TBC1D15: variants seen among roughly 807,000 people sequenced by gnomAD.
TBC1D15 encodes the protein GAP for RAB7.
In TBC1D15, 39 loss-of-function variants were observed where a neutral mutation model predicts 95.4. The ratio of observed to expected loss-of-function variants is 0.41; its 90% CI spans 0.32 to 0.53. The LOEUF (loss-of-function observed/expected upper bound fraction) is 0.53, where lower values mean the gene tolerates loss of function less well. TBC1D15 is among the 20% of genes least tolerant of loss of function. The probability of loss-of-function intolerance (pLI) is 0.29; values close to 1 mark genes in which losing one functional copy is unlikely to be tolerated. For missense variants in TBC1D15, 733 were observed against 794.3 expected (o/e 0.92, Z 0.93); for synonymous variants, 258 against 261.3 (o/e 0.99, Z 0.12).
At chr12:71,907,169 A>G in intron 11 of TBC1D15, 31 bp downstream of exon 11, 1 of 1,298,672 alleles carries the variant, frequency 7.7e-7, no homozygotes, top group Non-Finnish European at 1.1e-6. Flanking sequence ...ATTTTAAAAG[A>G]TGTAAATATA....
intron 1 of TBC1D15, among the ~76,000 whole-genome samples, chr12:71,845,265 T>A (rs1372582695): frequency 6.6e-6 from 1 of 152,158 alleles, no homozygotes; most frequent in Non-Finnish European, 1.5e-5. Context: ...GGACATTTTG[T>A]AAAGGTTAGT....
chr12:71,914,096 C>T (rs1903103221), intron 12 of TBC1D15, among the ~76,000 whole-genome samples, 170 bp downstream of exon 12: 2 of 151,800 alleles, frequency 1.3e-5, no homozygotes, highest in African/African-American at 4.8e-5. Context: ...CTTAGAAATA[C>T]TGGTGGTATT....
intron 1 of TBC1D15, among the ~76,000 whole-genome samples, chr12:71,860,186 G>GGT (rs1890073090): frequency 6.6e-6 from 1 of 152,180 alleles, no homozygotes; most frequent in Admixed American, 6.5e-5. Flanking sequence ...GTCTGGTAGT[G>GGT]TGAGGCGTCC....
At chr12:71,873,070 A>G in intron 3 of TBC1D15, 67 bp downstream of exon 3, 1 of 1,089,992 alleles carries the variant, frequency 9.2e-7, no homozygotes, top group Non-Finnish European at 1.4e-6. Context: ...ATCCATATAT[A>G]ATTCACATAC....
chr12:71,894,572 G>A, intron 6 of TBC1D15, 114 bp from the exon 7 acceptor site: 1 of 1,119,984 alleles, frequency 8.9e-7, no homozygotes, highest in Admixed American at 2.7e-5. Context: ...AGAACACTCT[G>A]TTTTAGTCCT....
chr12:71,895,747 A>G (rs1898036195), intron 7 of TBC1D15, among the ~76,000 whole-genome samples, 200 bp from the exon 8 acceptor site: 1 of 152,228 alleles, frequency 6.6e-6, no homozygotes, highest in East Asian at 1.9e-4. Flanking sequence ...TTTATAACCC[A>G]GTTTGTTGTG....
chr12:71,898,505 T>C (rs1340628420), intron 10 of TBC1D15, among the ~76,000 whole-genome samples: 1 of 152,144 alleles, frequency 6.6e-6, no homozygotes, highest in African/African-American at 2.4e-5. Context: ...ACAGAGATGC[T>C]TGATAGAATT....
At chr12:71,920,257 T>C (rs937314372) in intron 14 of TBC1D15, among the ~76,000 whole-genome samples, 6 of 152,324 alleles carry the variant, frequency 3.9e-5, no homozygotes, top group Middle Eastern at 3.4e-3. Context: ...ACAAGGGTTT[T>C]ACGTATTTAG....
intron 5 of TBC1D15, among the ~76,000 whole-genome samples, chr12:71,890,065 C>CAA (rs1213847629): frequency 1.3e-5 from 2 of 151,978 alleles, no homozygotes; most frequent in Non-Finnish European, 2.9e-5. Context: ...ATGTTTATTT[C>CAA]ATGCCTTTGC....
intron 11 of TBC1D15, chr12:71,913,482 G>C (rs1308601431): frequency 2.0e-5 from 4 of 196,922 alleles, no homozygotes; most frequent in African/African-American, 9.6e-5. Context: ...TCTTACATTT[G>C]ATGTTCCTCT....
At chr12:71,890,567 C>G (rs1476146780) in intron 5 of TBC1D15, among the ~76,000 whole-genome samples, 1 of 152,084 alleles carries the variant, frequency 6.6e-6, no homozygotes, top group Non-Finnish European at 1.5e-5. Flanking sequence ...TTTACAGGAG[C>G]AGGGCCTTAC....
chr12:71,902,534 G>A (rs1317989492), intron 10 of TBC1D15, among the ~76,000 whole-genome samples: 1 of 152,128 alleles, frequency 6.6e-6, no homozygotes, highest in Non-Finnish European at 1.5e-5. Context: ...ATATGCAGAG[G>A]TATTAAACTG....
intron 6 of TBC1D15, chr12:71,894,443 C>A: frequency 6.8e-7 from 1 of 1,466,866 alleles, no homozygotes; most frequent in Non-Finnish European, 9.5e-7. Context: ...TGTTTATCTG[C>A]AATTCAATCA....
intron 16 of TBC1D15, among the ~76,000 whole-genome samples, chr12:71,922,393 ATT>A (rs113471599): frequency 6.8e-6 from 1 of 146,694 alleles, no homozygotes; most frequent in Non-Finnish European, 1.5e-5. Context: ...CCATGACTGC[ATT>A]TTTTTTTTTT....
intron 15 of TBC1D15, 85 bp downstream of exon 15, chr12:71,920,932 A>G (rs1869047092): frequency 3.2e-6 from 3 of 934,568 alleles, no homozygotes; most frequent in East Asian, 2.5e-5. Context: ...TTGGAACATT[A>G]TTAAATCTCT....
intron 1 of TBC1D15, among the ~76,000 whole-genome samples, chr12:71,858,244 G>A (rs1322486180): frequency 6.6e-6 from 1 of 151,854 alleles, no homozygotes; most frequent in African/African-American, 2.4e-5. Context: ...GGCTTATTTT[G>A]TATTTTTAGT....
chr12:71,869,769 G>T (rs1892273681), intron 1 of TBC1D15, among the ~76,000 whole-genome samples: 1 of 151,978 alleles, frequency 6.6e-6, no homozygotes, highest in Non-Finnish European at 1.5e-5. Flanking sequence ...GTGTTCCTAG[G>T]TATGAGCATC....
intron 13 of TBC1D15, 34 bp from the exon 14 acceptor site, chr12:71,918,417 G>GT: frequency 7.6e-7 from 1 of 1,323,998 alleles, no homozygotes; most frequent in South Asian, 1.3e-5. Flanking sequence ...TAGCATAAGA[G>GT]TAAGTCATAT....
At chr12:71,906,186 G>T (rs1333575950) in intron 10 of TBC1D15, among the ~76,000 whole-genome samples, 1 of 152,084 alleles carries the variant, frequency 6.6e-6, no homozygotes, top group Admixed American at 6.6e-5. Flanking sequence ...TCATCTCTTT[G>T]TAAAGAGTTT....
Sources: allele counts gnomAD v4.1 joint callset (sites outside exome capture counted in the v4.1 genomes callset), GRCh38; gene constraint gnomAD v4.1.1; transcripts MANE v1.5; gene names NCBI Gene and HGNC (gene_info 2026-07-23, HGNC 2026-07-21).